Variants in SORL1 observed in about 807,000 individuals in gnomAD.
SORL1 encodes the protein sortilin related receptor 1, also known as sortilin-related receptor.
SORL1 carries 127 observed loss-of-function variants against 273.7 expected under a neutral mutation model. The ratio of observed to expected loss-of-function variants is 0.46; its 90% CI spans 0.40 to 0.54. The LOEUF is 0.54. SORL1 is among the 20% of genes least tolerant of loss of function. SORL1 has a pLI of 0.00. For synonymous variants in SORL1, 1,031 were observed against 1,067.4 expected, an observed-to-expected ratio of 0.97 and a Z score of 0.66; for missense variants, 2,494 against 2,846.1, an observed-to-expected ratio of 0.88 and a Z score of 2.81.
In SORL1 at chr11:121,550,467, A is replaced by G. The variant is rs1399265736; in HGVS notation, c.2181-118A>G. 1.2e-6 allele frequency: 1 copy of G among 851,774 alleles called. No individual in the cohort carries two copies. Among genetic ancestry groups the G allele is most frequent in the Non-Finnish European group, 2.0e-6 (1 of 508,574 alleles). 52.8% of individuals were successfully genotyped at this position (851,774 alleles called of 1,614,324 possible). ...TACGAACATCCTCTTTCTAGTTCTA[A>G]AGAGAAATGAGTGGATGGACTCTAC... On this transcript the variant is annotated intron_variant, in intron 15 of 47. Coordinates refer to ENST00000260197, the MANE Select transcript of SORL1 (RefSeq NM_003105.6). This position sits in a 1 kb window ranked among gnomAD's most constrained non-coding sequence, Gnocchi z 5.3.
chr11:121,507,405 A>G lies in SORL1; in HGVS notation c.940-5598A>G, dbSNP rs551591753. ...CTCGTCAGTGACTTTGGTAATGTGT[A>G]TGTCAGGACACTTGATGGTGTTTCC... On this transcript the variant is annotated intron_variant, in intron 6 of 47. Coordinates refer to ENST00000260197, the MANE Select transcript of SORL1 (RefSeq NM_003105.6). Among the ~76,000 whole-genome samples, 4 of 152,214 alleles carry G rather than the reference A, an allele frequency of 2.6e-5. No individual in the cohort carries two copies. The South Asian group carries it at 8.3e-4, about 32-fold the overall frequency.
Position 121,595,852 on chromosome 11 carries a change from G to A in SORL1, c.4519+80G>A. On this transcript the variant is annotated intron_variant, in intron 32 of 47. Transcript: ENST00000260197. The surrounding 1 kb of genome is among the most constrained non-coding windows in gnomAD (Gnocchi z 5.1). ...TTCTGGTGCTTCTGCTTCATTTCTG[G>A]ATCAGCACACGCCTGTGTGTGAGTC... is the stretch of plus-strand genomic sequence containing the variant. 8.1e-6 allele frequency: 12 copies of A among 1,473,298 alleles called. No homozygotes were observed. The highest frequency in any genetic ancestry group is 1.1e-5 in the Non-Finnish European group (12 of 1,078,096). The allele number at this position is 1,473,298 out of a possible 1,614,324, so 91.3% of individuals were successfully genotyped here.
At chr11:121,590,195 G>C (rs781470368) in intron 30 of SORL1, 21 bp downstream of exon 30, 1 of 1,611,294 alleles carries the variant, frequency 6.2e-7, no homozygotes, top group Admixed American at 1.7e-5. Flanking sequence ...CCTGGGGCCT[G>C]GGTTAGCCCC....
rs1295420745 is a variant in SORL1 at position 121,614,644 on chromosome 11, G to T, written c.5420-227G>T. On this transcript the variant is annotated intron_variant, in intron 40 of 47. Coordinates refer to ENST00000260197, the MANE Select transcript of SORL1 (RefSeq NM_003105.6). ...GTTGTACCAACTCCTATCCGCGGAT[G>T]GGCAGCTTTAAAGAAATTACCCAGT... is the stretch of plus-strand genomic sequence containing the variant. 47 of 460,098 alleles carry T rather than the reference G, an allele frequency of 1.0e-4. No homozygotes were observed. The East Asian group carries it at 2.0e-3, about 20-fold the overall frequency. 28.5% of individuals were successfully genotyped at this position (460,098 alleles called of 1,614,324 possible). A position where few individuals can be genotyped will look rare whatever the true frequency, so the allele number is the denominator to read the frequency against.
intron 11 of SORL1, among the ~76,000 whole-genome samples, chr11:121,524,592 G>A (rs1342591325): frequency 6.6e-6 from 1 of 152,242 alleles, no homozygotes; most frequent in African/African-American, 2.4e-5. Context: ...GGTGGTGGCA[G>A]AGGAAGAGGC....
chr11:121,539,332 G>A (rs1258848478), intron 12 of SORL1, among the ~76,000 whole-genome samples: 2 of 152,188 alleles, frequency 1.3e-5, no homozygotes, highest in Admixed American at 1.3e-4. Flanking sequence ...CCTCCTTTTC[G>A]TCTGAGTGCT....
chr11:121,467,433 T>C (rs545428089), intron 1 of SORL1, among the ~76,000 whole-genome samples: 145 of 152,306 alleles, frequency 9.5e-4, no homozygotes, highest in African/African-American at 3.3e-3. Context: ...CTCAAAGCAT[T>C]ATCTGAGTGT....
chr11:121,619,974 G>A, intron 43 of SORL1, 57 bp downstream of exon 43: 1 of 1,417,174 alleles, frequency 7.1e-7, no homozygotes, highest in Non-Finnish European at 9.9e-7. Flanking sequence ...TTAGGGTGGG[G>A]TGGGATGGAA....
At chr11:121,624,684 C>G (rs1863768549) in intron 45 of SORL1, among the ~76,000 whole-genome samples, 1 of 152,174 alleles carries the variant, frequency 6.6e-6, no homozygotes, top group African/African-American at 2.4e-5. Flanking sequence ...TTGCTGGAGT[C>G]CACTGCGACC....
intron 14 of SORL1, 33 bp from the exon 15 acceptor site, chr11:121,549,927 C>A (rs755520355): frequency 1.7e-5 from 27 of 1,607,348 alleles, no homozygotes; most frequent in Non-Finnish European, 2.3e-5. Flanking sequence ...TGTATAAAAC[C>A]GTGGCCTTAA....
At chr11:121,594,684 C>T (rs1257903717) in intron 31 of SORL1, among the ~76,000 whole-genome samples, 1 of 152,096 alleles carries the variant, frequency 6.6e-6, no homozygotes, top group Admixed American at 6.5e-5. Flanking sequence ...TCCAAATGGC[C>T]TTTTTGGGGG....
intron 3 of SORL1, among the ~76,000 whole-genome samples, chr11:121,478,996 G>A (rs1313797868): frequency 4.1e-5 from 6 of 146,778 alleles, no homozygotes; most frequent in Non-Finnish European, 7.6e-5. Flanking sequence ...ACCCACGTGC[G>A]TGCGCATGCT....
chr11:121,567,720 G>A (rs1282940032), intron 22 of SORL1, among the ~76,000 whole-genome samples: 2 of 152,076 alleles, frequency 1.3e-5, no homozygotes, highest in African/African-American at 4.8e-5. Flanking sequence ...TCTTTCCTCC[G>A]AAATTTAAAA....
At chr11:121,500,557 A>G (rs368385833) in intron 6 of SORL1, among the ~76,000 whole-genome samples, 30 of 152,332 alleles carry the variant, frequency 2.0e-4, no homozygotes, top group East Asian at 1.9e-3. Context: ...CCAGTGGTAG[A>G]GTTGCATAGG....
chr11:121,624,533 G>C (rs1204417653), intron 45 of SORL1, among the ~76,000 whole-genome samples: 2 of 152,208 alleles, frequency 1.3e-5, no homozygotes, highest in South Asian at 2.1e-4. Flanking sequence ...TTCAAGGCCA[G>C]GTTGTTGGGG....
chr11:121,478,356 A>AGGTGG, intron 3 of SORL1, 113 bp downstream of exon 3: 1 of 1,236,434 alleles, frequency 8.1e-7, no homozygotes, highest in Non-Finnish European at 1.1e-6. Flanking sequence ...TTGTAGCATG[A>AGGTGG]CTGGTGGCTA....
chr11:121,620,547 C>T (rs1863708186), intron 43 of SORL1, among the ~76,000 whole-genome samples: 1 of 152,206 alleles, frequency 6.6e-6, no homozygotes, highest in Non-Finnish European at 1.5e-5. Flanking sequence ...TAATACTCCT[C>T]TCAACTCTCC....
chr11:121,488,444 C>G (rs2134811576), intron 4 of SORL1, among the ~76,000 whole-genome samples: 1 of 152,316 alleles, frequency 6.6e-6, no homozygotes, highest in South Asian at 2.1e-4. Context: ...ACATCATGCC[C>G]TTCTCCATGC....
intron 2 of SORL1, among the ~76,000 whole-genome samples, chr11:121,475,438 A>C (rs1861249811): frequency 6.6e-6 from 1 of 152,202 alleles, no homozygotes; most frequent in Admixed American, 6.5e-5. Context: ...AGAAGACCCA[A>C]AGAGATGGAT....
Sources: allele counts gnomAD v4.1 joint callset (sites outside exome capture counted in the v4.1 genomes callset), GRCh38; gene constraint gnomAD v4.1.1; non-coding constraint Gnocchi (gnomAD v3.1); transcripts MANE v1.5; gene names NCBI Gene and HGNC (gene_info 2026-07-23, HGNC 2026-07-21).